Variants in SMG1 observed in about 807,000 individuals in gnomAD.
SMG1 encodes the protein serine/threonine-protein kinase SMG1.
In SMG1, 22 loss-of-function variants were observed where a neutral mutation model predicts 419.9. The ratio of observed to expected loss-of-function variants is 0.05; its 90% CI spans 0.04 to 0.07. SMG1 has a LOEUF of 0.07. Among genes scored for constraint, SMG1 ranks in the 10% least tolerant of loss-of-function variants. SMG1 has a pLI of 1.00. For synonymous variants in SMG1, 1,538 were observed against 1,553.5 expected (o/e 0.99, Z 0.23); for missense variants, 3,185 against 4,342.0 (o/e 0.73, Z 7.49).
At chr16:18,850,985 C>A (rs1328322880) in intron 33 of SMG1, among the ~76,000 whole-genome samples, 2 of 152,166 alleles carry the variant, frequency 1.3e-5, no homozygotes, top group Non-Finnish European at 2.9e-5. Flanking sequence ...AAACTCCTGA[C>A]CTCAGGTGAT....
chr16:18,835,797 G>A, intron 48 of SMG1, 136 bp downstream of exon 48: 1 of 800,474 alleles, frequency 1.2e-6, no homozygotes, highest in Non-Finnish European at 2.0e-6. Context: ...TACTCTGGAG[G>A]CTGAGGCAGA....
chr16:18,904,251 G>A (rs929351749), intron 1 of SMG1, among the ~76,000 whole-genome samples: 15 of 149,972 alleles, frequency 1.0e-4, no homozygotes, highest in Middle Eastern at 3.2e-3. Context: ...TCTTTTGTAC[G>A]TTGCAAAATC....
chr16:18,918,848 C>CTCTACT (rs2038078657), intron 1 of SMG1, among the ~76,000 whole-genome samples: 1 of 151,854 alleles, frequency 6.6e-6, no homozygotes, highest in African/African-American at 2.4e-5. Flanking sequence ...GAAACCCTGT[C>CTCTACT]AATCATGCCA....
chr16:18,836,054 T>G lies in SMG1; in HGVS notation c.7936A>C (p.Thr2646Pro), dbSNP rs367938083. ...GCCTTCGGATACTGCAGGGCCACGGTTGCATAGTGATGCAGTTGCTCCAGA... is the reference window on the plus strand; with the variant it reads ...GCCTTCGGATACTGCAGGGCCACGGGTGCATAGTGATGCAGTTGCTCCAGA... ...GCLEQLHHYATVALQYPKAIF... is the reference protein window; with the variant it reads ...GCLEQLHHYAPVALQYPKAIF... The change falls in exon 48 of 63, where the codon ACC becomes CCC. Residue 2646 changes from threonine to proline, a missense_variant. Transcript: ENST00000446231. The G allele has an allele frequency of 6.2e-7, 1 of 1,601,448 alleles. No individual in the cohort carries two copies.
intron 1 of SMG1, among the ~76,000 whole-genome samples, chr16:18,920,927 C>T (rs1240134016): frequency 6.6e-6 from 1 of 152,014 alleles, no homozygotes; most frequent in Non-Finnish European, 1.5e-5. Context: ...CACCTGAGGT[C>T]AGCAGTTCAA....
At chr16:18,834,752 A>ACAAC in intron 49 of SMG1, 140 bp downstream of exon 49, 1 of 986,162 alleles carries the variant, frequency 1.0e-6, no homozygotes, top group East Asian at 2.4e-5. Context: ...GTCTCAAAAC[A>ACAAC]CAACCAAGAT....
chr16:18,924,070 A>C (rs983430812), intron 1 of SMG1, among the ~76,000 whole-genome samples: 4 of 152,168 alleles, frequency 2.6e-5, no homozygotes, highest in Non-Finnish European at 5.9e-5. Flanking sequence ...AATGTATATC[A>C]CAGTATCGTC....
chr16:18,917,635 C>T (rs1422807668), intron 1 of SMG1, among the ~76,000 whole-genome samples: 17 of 151,176 alleles, frequency 1.1e-4, no homozygotes, highest in African/African-American at 3.2e-4. Context: ...TGGAGTGCAA[C>T]GGCGCAATTT....
In SMG1 at chr16:18,877,342, C is replaced by T. The variant is rs888516985; in HGVS notation, c.1519-110G>A. 1.6e-5 allele frequency: 11 copies of T among 686,774 alleles called. No homozygotes were observed. In the African/African-American group the frequency reaches 2.0e-4, roughly 13 times the overall value. 42.5% of individuals were successfully genotyped at this position (686,774 alleles called of 1,614,324 possible). ...AGAAGCCAATTGAAAAGGCTACATA[C>T]TATATGACTCCAACTACATGGCATT... On this transcript the variant is annotated intron_variant, in intron 11 of 62. Coordinates refer to ENST00000446231, the MANE Select transcript of SMG1 (RefSeq NM_015092.5).
intron 10 of SMG1, among the ~76,000 whole-genome samples, chr16:18,881,803 T>C (rs937728837): frequency 6.6e-6 from 1 of 152,184 alleles, no homozygotes; most frequent in Non-Finnish European, 1.5e-5. Context: ...GATTACTTTC[T>C]GAGGCTTTTC....
At position 18,876,409 on chromosome 16, in the gene SMG1, T is replaced by C. The variant is rs547349441; in HGVS notation, c.1621-16A>G. The C allele has an allele frequency of 5.1e-6, 8 of 1,581,510 alleles. No individual in the cohort carries two copies. In the African/African-American group the frequency reaches 1.1e-4, roughly 21 times the overall value. On this transcript the variant is annotated splice_polypyrimidine_tract_variant and intron_variant, in intron 12 of 62. Transcript: ENST00000446231. The stretch of plus-strand genomic sequence containing the variant: ...CAGCAACAACCTGAAAAACAAAAAA[T>C]TCAAGGAAGTGATAAATGGAAAATA...
chr16:18,858,377 C>A (rs960632614), intron 28 of SMG1, 87 bp from the exon 29 acceptor site: 1 of 1,250,322 alleles, frequency 8.0e-7, no homozygotes, highest in Non-Finnish European at 1.1e-6. Context: ...TCCAAGACTG[C>A]AATATAGTTT....
chr16:18,864,941 A>G (rs917748254), intron 23 of SMG1, among the ~76,000 whole-genome samples: 3 of 152,232 alleles, frequency 2.0e-5, no homozygotes, highest in Non-Finnish European at 4.4e-5. Context: ...AATGTTTTTA[A>G]AAAAATGTAA....
intron 1 of SMG1, among the ~76,000 whole-genome samples, chr16:18,902,582 T>G (rs921860853): frequency 1.3e-5 from 2 of 151,786 alleles, no homozygotes; most frequent in African/African-American, 4.8e-5. Flanking sequence ...CGCCCATAGA[T>G]CCAGCAACTC....
At chr16:18,871,944 A>G (rs1173267659) in intron 15 of SMG1, among the ~76,000 whole-genome samples, 3 of 151,986 alleles carry the variant, frequency 2.0e-5, no homozygotes, top group Non-Finnish European at 4.4e-5. Context: ...ATATTCTTCT[A>G]TGAAACACTG....
intron 5 of SMG1, among the ~76,000 whole-genome samples, chr16:18,890,311 C>T (rs529506101): frequency 1.3e-5 from 2 of 152,114 alleles, no homozygotes; most frequent in Non-Finnish European, 2.9e-5. Flanking sequence ...AGTCAAGACT[C>T]GGTTATCCAG....
rs1363813037 is a variant in SMG1 at position 18,882,505 on chromosome 16, T to C, written c.1120-167A>G. Among the ~76,000 whole-genome samples, 3 of 151,914 alleles carry C rather than the reference T, an allele frequency of 2.0e-5. No individual in the cohort carries two copies. The East Asian group carries it at 5.8e-4, about 29-fold the overall frequency. Reference sequence around the variant, plus strand: ...TCATGACTCTAAATATAAAAATGGGTTTTACCTAATTATTTCAAAAAGCCA... The same window carrying C: ...TCATGACTCTAAATATAAAAATGGGCTTTACCTAATTATTTCAAAAAGCCA... On this transcript the variant is annotated intron_variant, in intron 9 of 62. Coordinates refer to ENST00000446231, the MANE Select transcript of SMG1 (RefSeq NM_015092.5).
intron 25 of SMG1, 88 bp downstream of exon 25, chr16:18,863,562 A>C (rs1469457732): frequency 1.7e-6 from 2 of 1,210,862 alleles, no homozygotes; most frequent in Non-Finnish European, 2.4e-6. Flanking sequence ...GTATTACTAC[A>C]TATGACCAAT....
rs1455950453 is a variant in SMG1, at chr16:18,807,988, C to T, written c.*1581G>A. On this transcript the variant is annotated 3_prime_UTR_variant, in exon 63 of 63. Coordinates refer to ENST00000446231, the MANE Select transcript of SMG1 (RefSeq NM_015092.5). The stretch of plus-strand genomic sequence containing the variant: ...GTGTTAGCCAGGATGGTCTCGCTCT[C>T]CTAACCTCATGATCCGCCCGCCTCG... 6.6e-6 allele frequency: 1 copy of T among 152,250 alleles called. No homozygotes were observed. The highest frequency in any genetic ancestry group is 2.4e-5 in the African/African-American group (1 of 41,438). 9.4% of individuals were successfully genotyped at this position (152,250 alleles called of 1,614,324 possible). A position where few individuals can be genotyped will look rare whatever the true frequency, so the allele number is the denominator to read the frequency against.
Sources: allele counts gnomAD v4.1 joint callset (sites outside exome capture counted in the v4.1 genomes callset), GRCh38; gene constraint gnomAD v4.1.1; transcripts MANE v1.5; gene names NCBI Gene and HGNC (gene_info 2026-07-23, HGNC 2026-07-21).